WWP1: variants seen among roughly 807,000 people sequenced by gnomAD.
WWP1 encodes the protein WW domain containing E3 ubiquitin protein ligase 1.
WWP1 carries 49 observed loss-of-function variants against 130.6 expected under a neutral mutation model. The ratio of observed to expected loss-of-function variants is 0.38; its 90% CI spans 0.30 to 0.48. The LOEUF is 0.48. Among genes scored for constraint, WWP1 ranks in the 20% least tolerant of loss-of-function variants. The pLI, the probability that WWP1 is intolerant of heterozygous loss-of-function variation, is 0.99. For synonymous variants in WWP1, 332 were observed against 367.8 expected (o/e 0.90, Z 1.11); for missense variants, 809 against 1,100.6 (o/e 0.74, Z 3.75).
At chr8:86,417,768 T>C (rs909600845) in intron 9 of WWP1, among the ~76,000 whole-genome samples, 5 of 152,220 alleles carry the variant, frequency 3.3e-5, no homozygotes, top group African/African-American at 9.6e-5. Flanking sequence ...TTAAGTCATA[T>C]AGAAATATTA....
chr8:86,390,696 C>A (rs994318292), intron 5 of WWP1, among the ~76,000 whole-genome samples: 2 of 119,214 alleles, frequency 1.7e-5, no homozygotes, highest in African/African-American at 6.5e-5. Flanking sequence ...AAGTGGGAGA[C>A]GAGAGGGAGA....
At chr8:86,415,444 A>T (rs985634817) in intron 9 of WWP1, among the ~76,000 whole-genome samples, 1 of 152,174 alleles carries the variant, frequency 6.6e-6, no homozygotes, top group South Asian at 2.1e-4. Flanking sequence ...AGTGCATTTC[A>T]ATGAGTTGCA....
At chr8:86,405,548 T>C (rs1047314249) in intron 8 of WWP1, among the ~76,000 whole-genome samples, 5 of 152,278 alleles carry the variant, frequency 3.3e-5, no homozygotes, top group East Asian at 3.9e-4. Flanking sequence ...GTTTGTTTTT[T>C]TGAGACAGGG....
intron 8 of WWP1, among the ~76,000 whole-genome samples, chr8:86,405,613 C>A (rs1251478721): frequency 1.3e-5 from 2 of 152,084 alleles, no homozygotes; most frequent in Non-Finnish European, 2.9e-5. Flanking sequence ...CTCACTGTAG[C>A]TCTGACCTCC....
chr8:86,396,104 C>CTT (rs535762900), intron 5 of WWP1, among the ~76,000 whole-genome samples: 5 of 144,728 alleles, frequency 3.5e-5, no homozygotes, highest in Non-Finnish European at 4.6e-5. Flanking sequence ...TTGTAGTTTT[C>CTT]TTTTTTTTTT....
At chr8:86,401,433 G>A (rs1283280827) in intron 7 of WWP1, among the ~76,000 whole-genome samples, 3 of 151,766 alleles carry the variant, frequency 2.0e-5, no homozygotes, top group Non-Finnish European at 2.9e-5. Context: ...TGTGATGCAC[G>A]TCTGTGATCC....
At chr8:86,362,123 G>A (rs1311400537) in intron 1 of WWP1, among the ~76,000 whole-genome samples, 2 of 94,066 alleles carry the variant, frequency 2.1e-5, no homozygotes, top group African/African-American at 8.4e-5. Context: ...ATATACACTA[G>A]GCATATGTAT....
chr8:86,363,547 A>T (rs1823790096), intron 1 of WWP1, among the ~76,000 whole-genome samples: 1 of 152,064 alleles, frequency 6.6e-6, no homozygotes, highest in African/African-American at 2.4e-5. Context: ...CACTCCTGTA[A>T]TCCCAGCACT....
Position 86,452,603 on chromosome 8 carries a change from C to T in WWP1, c.2318C>T (p.Thr773Ile), listed in dbSNP as rs1243784809. 9 of 1,612,896 alleles carry T rather than the reference C, an allele frequency of 5.6e-6. No homozygotes were observed. Among genetic ancestry groups the T allele is most frequent in the Non-Finnish European group, 7.6e-6 (9 of 1,179,392 alleles). The change falls in exon 21 of 25, where the codon ACC becomes ATC. Residue 773 changes from threonine to isoleucine, a missense_variant. Around this residue, in one of 3 missense-constraint regions of WWP1, gnomAD observed 450 missense variants for 674.2 expected, o/e 0.67. Coordinates refer to ENST00000517970, the MANE Select transcript of WWP1 (RefSeq NM_007013.4). ...TTTTCTCGAGGAGTACAAGAACAGA[C>T]CAAAGCTTTCCTTGATGGTTTTAAT... ...WRFSRGVQEQ[T>I]KAFLDGFNEV...
intron 8 of WWP1, among the ~76,000 whole-genome samples, chr8:86,403,126 G>A (rs776308925): frequency 1.2e-4 from 18 of 152,110 alleles, no homozygotes; most frequent in Non-Finnish European, 1.9e-4. Flanking sequence ...ATCTTAGGAC[G>A]TGTTTAAGAT....
chr8:86,466,996 T>C lies in WWP1; in HGVS notation c.*103T>C. On this transcript the variant is annotated 3_prime_UTR_variant, in exon 25 of 25. Coordinates refer to ENST00000517970, the MANE Select transcript of WWP1 (RefSeq NM_007013.4). ...GCTGTTCATTCTGTACAGTGAATTT[T>C]CCGAACCTCTCAAAGTATGTTTTCC... 1 of 766,172 alleles carries C rather than the reference T, an allele frequency of 1.3e-6. No individual in the cohort carries two copies. The highest frequency in any genetic ancestry group is 2.1e-6 in the Non-Finnish European group (1 of 472,246). The allele number at this position is 766,172 out of a possible 1,614,324, so 47.5% of individuals were successfully genotyped here. A position where few individuals can be genotyped will look rare whatever the true frequency, so the allele number is the denominator to read the frequency against.
In WWP1 at chr8:86,399,547, C is replaced by T. The variant is rs1252047184; in HGVS notation, c.539+909C>T. ...TTTATTAATCTATAGTTACTAGTAT[C>T]GTTTCTTCTAAGTTGCCGTTAAGTG... On this transcript the variant is annotated intron_variant, in intron 7 of 24. Transcript: ENST00000517970. 4.6e-5 allele frequency among the ~76,000 whole-genome samples: 7 copies of T among 152,220 alleles called. No individual in the cohort carries two copies. The East Asian group carries it at 9.6e-4, about 21-fold the overall frequency.
Position 86,467,912 on chromosome 8 carries a change from T to A in WWP1, c.*1019T>A, listed in dbSNP as rs914282354. 1 of 152,894 alleles carries A rather than the reference T, an allele frequency of 6.5e-6. No individual in the cohort carries two copies. Among genetic ancestry groups the A allele is most frequent in the Non-Finnish European group, 1.5e-5 (1 of 68,580 alleles). The allele number at this position is 152,894 out of a possible 1,614,324, so 9.5% of individuals were successfully genotyped here. ...AATATCTTCATTCCTCTCAAATTCA[T>A]AACAGTTCTATTTAACTGAATTAAA... On this transcript the variant is annotated 3_prime_UTR_variant, in exon 25 of 25. Transcript: ENST00000517970.
At chr8:86,400,767 T>C (rs529625416) in intron 7 of WWP1, among the ~76,000 whole-genome samples, 5 of 152,340 alleles carry the variant, frequency 3.3e-5, no homozygotes, top group African/African-American at 1.2e-4. Context: ...AAATCGATTA[T>C]CTGCTGCAAA....
At chr8:86,405,880 C>T (rs1340952258) in intron 8 of WWP1, among the ~76,000 whole-genome samples, 1 of 152,118 alleles carries the variant, frequency 6.6e-6, no homozygotes, top group Non-Finnish European at 1.5e-5. Context: ...TGGAACACAC[C>T]TGGCACTTTG....
At chr8:86,358,267 G>A (rs1050176999) in intron 1 of WWP1, among the ~76,000 whole-genome samples, 1 of 152,150 alleles carries the variant, frequency 6.6e-6, no homozygotes, top group Non-Finnish European at 1.5e-5. Context: ...TTAGGGCAGA[G>A]ATGGGAGAGG....
chr8:86,351,182 A>G (rs1157304278), intron 1 of WWP1, among the ~76,000 whole-genome samples: 2 of 152,262 alleles, frequency 1.3e-5, no homozygotes, highest in Non-Finnish European at 2.9e-5. Context: ...CATGGTGGCT[A>G]GAACGTAAGC....
At chr8:86,383,903 G>C (rs1825133010) in intron 5 of WWP1, among the ~76,000 whole-genome samples, 1 of 152,162 alleles carries the variant, frequency 6.6e-6, no homozygotes, top group Non-Finnish European at 1.5e-5. Flanking sequence ...CGGTAAATTA[G>C]TTTGCAAGGG....
intron 2 of WWP1, among the ~76,000 whole-genome samples, chr8:86,372,025 T>A (rs1230964556): frequency 1.3e-3 from 180 of 137,878 alleles, no homozygotes; most frequent in African/African-American, 4.9e-3. Flanking sequence ...GTATTTTTTT[T>A]TTTTTTTTTT....
Sources: allele counts gnomAD v4.1 joint callset (sites outside exome capture counted in the v4.1 genomes callset), GRCh38; gene constraint gnomAD v4.1.1; regional missense constraint gnomAD v4.1.1; transcripts MANE v1.5; gene names NCBI Gene and HGNC (gene_info 2026-07-23, HGNC 2026-07-21).